SLC49A3: variants seen among roughly 807,000 people sequenced by gnomAD.
The protein encoded by SLC49A3 is solute carrier family 49 member 3.
SLC49A3 carries 50 observed loss-of-function variants against 43.8 expected under a neutral mutation model. The ratio of observed to expected loss-of-function variants is 1.14; its 90% confidence interval spans 0.91 to 1.45. The LOEUF (loss-of-function observed/expected upper bound fraction) is 1.45, where lower values mean the gene tolerates loss of function less well. Ranked by LOEUF, SLC49A3 falls within the 40% of genes most tolerant of loss-of-function variation. The probability of loss-of-function intolerance (pLI) is 0.00; values close to 1 mark genes in which losing one functional copy is unlikely to be tolerated. For missense variants in SLC49A3, 906 were observed against 774.1 expected, an observed-to-expected ratio of 1.17 and a Z score of -2.02; for synonymous variants, 413 against 352.0, an observed-to-expected ratio of 1.17 and a Z score of -1.94.
chr4:684,351 C>G, intron 6 of SLC49A3, 132 bp downstream of exon 6: 1 of 1,280,348 alleles, frequency 7.8e-7, no homozygotes, highest in Non-Finnish European at 1.1e-6. Context: ...TCGGGAGGGC[C>G]CACAGCACAG....
upstream of SLC49A3, among the ~76,000 whole-genome samples, chr4:690,170 T>C (rs1481246499): frequency 6.6e-6 from 1 of 152,162 alleles, no homozygotes; most frequent in African/African-American, 2.4e-5. Flanking sequence ...TGCAGTCTTC[T>C]GCAGGGATTG....
At chr4:681,431 G>C (rs992834156), downstream of SLC49A3, among the ~76,000 whole-genome samples, 1 of 151,810 alleles carries the variant, frequency 6.6e-6, no homozygotes, top group Non-Finnish European at 1.5e-5. Flanking sequence ...GTGCGGTCCG[G>C]AGCCGCCCCC....
chr4:677,387 A>T (rs996596417), downstream of SLC49A3, among the ~76,000 whole-genome samples: 1 of 152,150 alleles, frequency 6.6e-6, no homozygotes, highest in Admixed American at 6.5e-5. Flanking sequence ...AGGGCCCTAG[A>T]GTCCCCCTCC....
Position 686,660 on chromosome 4 carries a change from C to T in SLC49A3, c.166G>A (p.Val56Ile), listed in dbSNP as rs747337648. Reference protein sequence around the residue: ...LWLSFAPVADVIAEDLVLSME... With the variant: ...LWLSFAPVADIIAEDLVLSME... ...GACAGGACCAAGTCCTCAGCAATGA[C>T]GTCAGCCACAGGTGCAAAGCTGAGC... The change falls in exon 2 of 10, where the codon GTC (valine) becomes ATC (isoleucine). Residue 56 changes from valine to isoleucine, a missense_variant. Coordinates refer to ENST00000322224, the MANE Select transcript of SLC49A3 (RefSeq NM_032219.4). 11 of 1,613,002 alleles carry T rather than the reference C, an allele frequency of 6.8e-6. No homozygotes were observed. Among genetic ancestry groups the T allele is most frequent in the South Asian group, 4.4e-5 (4 of 91,076 alleles).
At chr4:679,271 G>A, downstream of SLC49A3, 1 of 631,766 alleles carries the variant, frequency 1.6e-6, no homozygotes, top group Non-Finnish European at 2.8e-6. Flanking sequence ...GAAACTCAGA[G>A]TGGGCTTTGA....
At chr4:677,967 G>C (rs1739013816), downstream of SLC49A3, 1 of 1,613,050 alleles carries the variant, frequency 6.2e-7, no homozygotes, top group South Asian at 1.1e-5. Context: ...CCAAGCAGGA[G>C]CTTAAGATGG....
downstream of SLC49A3, chr4:678,928 C>T: frequency 6.2e-7 from 1 of 1,612,700 alleles, no homozygotes; most frequent in Non-Finnish European, 8.5e-7. Flanking sequence ...GCCGGGTTGG[C>T]AGCACAGCAG....
In SLC49A3 at chr4:686,672, G is replaced by A; in HGVS notation, c.154C>T (p.Pro52Ser). 1 of 1,612,982 alleles carries A rather than the reference G, an allele frequency of 6.2e-7. No individual in the cohort carries two copies. Residue 52 changes from proline (P) to serine (S), a missense_variant, in exon 2 of 10, where the codon CCT (proline) becomes TCT (serine). Coordinates refer to ENST00000322224, the MANE Select transcript of SLC49A3 (RefSeq NM_032219.4). ...SNATLWLSFAPVADVIAEDLV... is the reference protein window; with the variant it reads ...SNATLWLSFASVADVIAEDLV... Reference sequence around the variant, plus strand: ...TCCTCAGCAATGACGTCAGCCACAGGTGCAAAGCTGAGCCACAGCTGCAGG... The same window carrying A: ...TCCTCAGCAATGACGTCAGCCACAGATGCAAAGCTGAGCCACAGCTGCAGG...
upstream of SLC49A3, chr4:689,326 G>T (rs1741655318): frequency 3.0e-6 from 1 of 334,196 alleles, no homozygotes; most frequent in South Asian, 1.5e-4. Flanking sequence ...GCGGGGGAAG[G>T]GCGGGCAAAG....
At chr4:678,530 T>C, downstream of SLC49A3, 1 of 1,461,612 alleles carries the variant, frequency 6.8e-7, no homozygotes, top group Non-Finnish European at 9.0e-7. Flanking sequence ...TCCTCAGCTG[T>C]CTGGCCCCCT....
chr4:687,804 C>G (rs1323764679), intron 1 of SLC49A3: 3 of 152,428 alleles, frequency 2.0e-5, no homozygotes, highest in Admixed American at 1.3e-4. Context: ...TCTGCTCCGC[C>G]TGGCCCTCAT....
intron 9 of SLC49A3, 22 bp downstream of exon 9, chr4:682,759 G>T: frequency 6.6e-7 from 1 of 1,526,394 alleles, no homozygotes; most frequent in East Asian, 2.4e-5. Context: ...TGTTCCCTGG[G>T]GACTCCCCAT....
chr4:682,846 G>A lies in SLC49A3; in HGVS notation c.1196C>T (p.Thr399Ile), dbSNP rs145330050. 66 of 1,604,516 alleles carry A rather than the reference G, an allele frequency of 4.1e-5. No homozygotes were observed. Among genetic ancestry groups the A allele is most frequent in the Non-Finnish European group, 5.2e-5 (61 of 1,174,352 alleles). Residue 399 changes from threonine (T) to isoleucine (I), a missense_variant, in exon 9 of 10, where the codon ACT (threonine) becomes ATT (isoleucine). Thr to Ile is a moderately conservative substitution (Grantham distance 89). Transcript: ENST00000322224. ...CAAGGACGGCTCCGAGCGTCGCACA[G>A]TCAGTGCCGTCATTGCCAGCATGAT... ...ILIMLAMTALTVRRSEPSLST... is the reference protein window; with the variant it reads ...ILIMLAMTALIVRRSEPSLST...
intron 2 of SLC49A3, 95 bp downstream of exon 2, chr4:686,437 G>C (rs1032316201): frequency 1.3e-6 from 2 of 1,563,980 alleles, no homozygotes; most frequent in East Asian, 4.5e-5. Flanking sequence ...GTTGGGACTG[G>C]TGGGCCCCGG....
chr4:679,561 C>T (rs968299404), downstream of SLC49A3, among the ~76,000 whole-genome samples: 6 of 152,222 alleles, frequency 3.9e-5, no homozygotes, highest in African/African-American at 1.4e-4. Flanking sequence ...GGCTTCGGTC[C>T]TGCCCTGGGA....
At chr4:680,243 CCTCA>C (rs1197565505), downstream of SLC49A3, among the ~76,000 whole-genome samples, 1 of 152,164 alleles carries the variant, frequency 6.6e-6, no homozygotes, top group Non-Finnish European at 1.5e-5. Context: ...CACCTCTGTC[CCTCA>C]CTCATGCAGC....
Position 686,706 on chromosome 4 carries a change from G to A in SLC49A3, c.136-16C>T, listed in dbSNP as rs767357139. On this transcript the variant is annotated splice_polypyrimidine_tract_variant and intron_variant, in intron 1 of 9. Transcript: ENST00000322224. Reference sequence around the variant, plus strand: ...TGAGCCACAGCTGCAGGGGTCAGGCGGGAGTCAGCGCAGGGCCACAGACCC... The same window carrying A: ...TGAGCCACAGCTGCAGGGGTCAGGCAGGAGTCAGCGCAGGGCCACAGACCC... 6.8e-5 allele frequency: 110 copies of A among 1,609,336 alleles called. No homozygotes were observed. Among genetic ancestry groups the A allele is most frequent in the East Asian group, 6.0e-4 (27 of 44,862 alleles).
downstream of SLC49A3, chr4:678,825 C>G: frequency 1.2e-6 from 2 of 1,607,460 alleles, no homozygotes; most frequent in South Asian, 2.2e-5. Context: ...TGGGAAGACC[C>G]CATGTGGGCT....
chr4:677,531 T>A (rs1738968180), downstream of SLC49A3, among the ~76,000 whole-genome samples: 1 of 152,182 alleles, frequency 6.6e-6, no homozygotes, highest in Admixed American at 6.5e-5. Context: ...TGGACTGACT[T>A]CTGTCACCAA....
Sources: gnomAD v4.1 joint callset for allele counts (sites outside exome capture counted in the v4.1 genomes callset) on GRCh38, gnomAD v4.1.1 for gene constraint, MANE v1.5 for transcripts, NCBI Gene and HGNC (gene_info 2026-07-23, HGNC 2026-07-21) for gene names.